Variants in FHIT observed in about 807,000 individuals in gnomAD.
The protein encoded by FHIT is bis(5'-adenosyl)-triphosphatase.
Under a neutral mutation model 17.9 loss-of-function variants are expected in FHIT, and 19 were observed. That is an observed-to-expected ratio of 1.06 (90% CI 0.74 to 1.56). FHIT has a LOEUF of 1.56. FHIT is among the 40% of genes most tolerant of loss of function. The pLI, the probability that FHIT is intolerant of heterozygous loss-of-function variation, is 0.00. For missense variants in FHIT, 248 were observed against 189.2 expected, an observed-to-expected ratio of 1.31 and a Z score of -1.82; for synonymous variants, 81 against 69.7, an observed-to-expected ratio of 1.16 and a Z score of -0.81.
At chr3:60,562,827 T>A (rs2036998992) in intron 4 of FHIT, among the ~76,000 whole-genome samples, 1 of 152,122 alleles carries the variant, frequency 6.6e-6, no homozygotes, top group Non-Finnish European at 1.5e-5. Context: ...CCTCTATCAG[T>A]CATTCCTTTG....
intron 5 of FHIT, among the ~76,000 whole-genome samples, chr3:60,495,294 T>A (rs535056312): frequency 2.6e-5 from 4 of 152,302 alleles, no homozygotes; most frequent in African/African-American, 9.6e-5. Context: ...AGCAAATGCT[T>A]CAAGTACATT....
At chr3:60,292,047 A>T (rs1037756146) in intron 5 of FHIT, among the ~76,000 whole-genome samples, 1 of 152,074 alleles carries the variant, frequency 6.6e-6, no homozygotes, top group Non-Finnish European at 1.5e-5. Context: ...CTTAGAAATG[A>T]CTACCAACAC....
At chr3:60,652,377 G>C (rs1388575302) in intron 4 of FHIT, among the ~76,000 whole-genome samples, 3 of 152,030 alleles carry the variant, frequency 2.0e-5, no homozygotes, top group Non-Finnish European at 4.4e-5. Context: ...AAGGCAGGGG[G>C]GATCACTTGA....
At chr3:59,832,721 A>C (rs1701207661) in intron 8 of FHIT, among the ~76,000 whole-genome samples, 1 of 152,210 alleles carries the variant, frequency 6.6e-6, no homozygotes. Flanking sequence ...TTGTTACTGC[A>C]GCCGAGGCTA....
intron 4 of FHIT, among the ~76,000 whole-genome samples, chr3:60,550,819 G>A (rs107342): frequency 0.077 from 11,768 of 152,118 alleles, 602 homozygotes; most frequent in Non-Finnish European, 0.12. Context: ...TGACAGACCA[G>A]CCCTCTGCTC....
chr3:60,078,294 T>C (rs913800032), intron 5 of FHIT, among the ~76,000 whole-genome samples: 1 of 152,098 alleles, frequency 6.6e-6, no homozygotes, highest in East Asian at 1.9e-4. Context: ...ATACCAAGAA[T>C]GGGAGAAAGG....
chr3:60,725,074 CAT>C (rs2041890964), intron 4 of FHIT, among the ~76,000 whole-genome samples: 1 of 152,146 alleles, frequency 6.6e-6, no homozygotes, highest in Admixed American at 6.5e-5. Flanking sequence ...TAGCCATTTG[CAT>C]ATCTTCTTTG....
chr3:60,971,932 C>A (rs1198116663), intron 3 of FHIT, among the ~76,000 whole-genome samples: 1 of 152,098 alleles, frequency 6.6e-6, no homozygotes, highest in East Asian at 1.9e-4. Flanking sequence ...CATTTGTATA[C>A]CATTTTTCAA....
chr3:60,852,622 C>A (rs1425693751), intron 3 of FHIT, among the ~76,000 whole-genome samples: 2 of 151,960 alleles, frequency 1.3e-5, no homozygotes, highest in African/African-American at 2.4e-5. Flanking sequence ...CTTTTAGGCA[C>A]TTAAAACTTT....
chr3:60,724,618 T>A (rs2041876124), intron 4 of FHIT, among the ~76,000 whole-genome samples: 2 of 151,402 alleles, frequency 1.3e-5, no homozygotes, highest in Non-Finnish European at 2.9e-5. Context: ...TTTCTCCACA[T>A]CCTTGCTAAT....
At chr3:60,422,636 G>A (rs1023640110) in intron 5 of FHIT, among the ~76,000 whole-genome samples, 5 of 152,064 alleles carry the variant, frequency 3.3e-5, no homozygotes, top group Non-Finnish European at 5.9e-5. Context: ...TGCCTTTCCC[G>A]AGTGAGGTGT....
Position 59,792,770 on chromosome 3 carries a change from C to A in FHIT, c.349-40449G>T, listed in dbSNP as rs571803527. 2.0e-4 allele frequency among the ~76,000 whole-genome samples: 30 copies of A among 151,522 alleles called. 1 individual carries two copies. The highest frequency in any genetic ancestry group is 1.8e-3 in the Admixed American group (27 of 15,196). On this transcript the variant is annotated intron_variant, in intron 8 of 9. Transcript: ENST00000492590. ...GGATGCTTCATTAGGTAGGAATGAA[C>A]ATCTCAAACATATTTGTCCATCTAT...
chr3:60,271,140 C>T (rs113143050), intron 5 of FHIT, among the ~76,000 whole-genome samples: 129 of 152,248 alleles, frequency 8.5e-4, no homozygotes, highest in African/African-American at 2.9e-3. Context: ...TGGCTCACAC[C>T]TATAATCCCA....
At chr3:59,977,404 C>A (rs1047818637) in intron 7 of FHIT, among the ~76,000 whole-genome samples, 1 of 152,056 alleles carries the variant, frequency 6.6e-6, no homozygotes, top group Non-Finnish European at 1.5e-5. Flanking sequence ...ATCCCTGAAG[C>A]ATTTCTTTAA....
chr3:59,902,495 A>T (rs1704375691), intron 8 of FHIT, among the ~76,000 whole-genome samples: 1 of 152,094 alleles, frequency 6.6e-6, no homozygotes, highest in Non-Finnish European at 1.5e-5. Flanking sequence ...CTCCACTCAC[A>T]TGTTCATCGT....
chr3:60,994,799 G>A (rs541988700), intron 3 of FHIT, among the ~76,000 whole-genome samples: 56 of 152,224 alleles, frequency 3.7e-4, no homozygotes, highest in Admixed American at 2.0e-3. Flanking sequence ...CTAAAACCAG[G>A]AAGGGAGCTG....
At chr3:60,987,959 G>A (rs2029868459) in intron 3 of FHIT, among the ~76,000 whole-genome samples, 1 of 152,080 alleles carries the variant, frequency 6.6e-6, no homozygotes, top group South Asian at 2.1e-4. Flanking sequence ...TTTCCATCCG[G>A]ATTCTAAAAT....
At chr3:60,826,058 T>G (rs1702101691) in intron 3 of FHIT, among the ~76,000 whole-genome samples, 1 of 152,014 alleles carries the variant, frequency 6.6e-6, no homozygotes, top group Non-Finnish European at 1.5e-5. Flanking sequence ...ATAGTGAGAG[T>G]ACAGATGATC....
intron 5 of FHIT, among the ~76,000 whole-genome samples, chr3:60,037,529 C>T (rs570600753): frequency 6.6e-6 from 1 of 151,336 alleles, no homozygotes; most frequent in Non-Finnish European, 1.5e-5. Flanking sequence ...ACTACAGGCA[C>T]GCACCACCGC....
Sources: allele counts gnomAD v4.1 joint callset (sites outside exome capture counted in the v4.1 genomes callset), GRCh38; gene constraint gnomAD v4.1.1; transcripts MANE v1.5; gene names NCBI Gene and HGNC (gene_info 2026-07-23, HGNC 2026-07-21).